BANK1: variants seen among roughly 807,000 people sequenced by gnomAD.
The protein encoded by BANK1 is B-cell scaffold protein with ankyrin repeats.
Under a neutral mutation model 94.5 loss-of-function variants are expected in BANK1, and 95 were observed. The observed-to-expected ratio is 1.00, with a 90% CI of 0.85 to 1.19. BANK1 has a LOEUF of 1.19. BANK1 is among the 50% of genes most tolerant of loss of function. BANK1 has a pLI of 0.00. For synonymous variants in BANK1, 334 were observed against 308.4 expected, an observed-to-expected ratio of 1.08 and a Z score of -0.87; for missense variants, 987 against 932.2, an observed-to-expected ratio of 1.06 and a Z score of -0.77.
chr4:101,824,964 G>C (rs543040331), intron 1 of BANK1, among the ~76,000 whole-genome samples: 9 of 152,010 alleles, frequency 5.9e-5, no homozygotes, highest in Non-Finnish European at 1.2e-4. Flanking sequence ...TTTCTTTCAG[G>C]TTTAAACATT....
chr4:101,922,765 T>G (rs1256857112), intron 7 of BANK1, among the ~76,000 whole-genome samples: 1 of 151,840 alleles, frequency 6.6e-6, no homozygotes, highest in Admixed American at 6.6e-5. Flanking sequence ...TCTGTTAGAA[T>G]TGAAGAAACT....
At chr4:101,963,734 G>A (rs1000445785) in intron 7 of BANK1, among the ~76,000 whole-genome samples, 3 of 151,954 alleles carry the variant, frequency 2.0e-5, no homozygotes, top group African/African-American at 4.8e-5. Flanking sequence ...TTTTCACTTC[G>A]AAAGAAACAC....
chr4:101,917,932 C>T (rs1722878851), intron 6 of BANK1, 61 bp from the exon 7 acceptor site: 2 of 1,289,410 alleles, frequency 1.6e-6, no homozygotes, highest in South Asian at 3.0e-5. Context: ...TGTGTTAGAC[C>T]TTTTAATGAG....
intron 1 of BANK1, among the ~76,000 whole-genome samples, chr4:101,824,892 A>G (rs192618536): frequency 9.1e-4 from 139 of 152,274 alleles, no homozygotes; most frequent in African/African-American, 3.1e-3. Context: ...TTCTTTTGGT[A>G]ATATGTAATG....
intron 7 of BANK1, among the ~76,000 whole-genome samples, chr4:101,974,678 G>A (rs988156712): frequency 1.3e-5 from 2 of 151,844 alleles, no homozygotes; most frequent in African/African-American, 4.8e-5. Context: ...TCTACCCTTT[G>A]TGATACTGAC....
At chr4:102,011,654 C>T (rs945827237) in intron 7 of BANK1, among the ~76,000 whole-genome samples, 3 of 152,152 alleles carry the variant, frequency 2.0e-5, no homozygotes, top group Admixed American at 1.3e-4. Context: ...TTTGATCTTA[C>T]GTCCCGATGT....
intron 7 of BANK1, among the ~76,000 whole-genome samples, chr4:101,939,286 G>T (rs538832735): frequency 2.0e-5 from 3 of 151,688 alleles, no homozygotes; most frequent in African/African-American, 7.3e-5. Context: ...TAACAAGACC[G>T]TCTAAAATGC....
chr4:102,044,858 C>A (rs866866390), intron 11 of BANK1, among the ~76,000 whole-genome samples: 4 of 115,944 alleles, frequency 3.4e-5, no homozygotes, highest in African/African-American at 1.0e-4. Flanking sequence ...TCATGTCCTT[C>A]GCCCACTTTT....
At chr4:101,973,501 A>G (rs1297757538) in intron 7 of BANK1, among the ~76,000 whole-genome samples, 1 of 152,092 alleles carries the variant, frequency 6.6e-6, no homozygotes, top group African/African-American at 2.4e-5. Flanking sequence ...TCTAAATTCT[A>G]CTGCCTTAGT....
chr4:101,859,426 T>A (rs1333896162), intron 3 of BANK1, among the ~76,000 whole-genome samples: 2 of 152,180 alleles, frequency 1.3e-5, no homozygotes, highest in East Asian at 1.9e-4. Flanking sequence ...TTTTGTTAGG[T>A]CTCAAGGCTT....
At chr4:101,976,746 T>C (rs1001671455) in intron 7 of BANK1, 9 of 152,158 alleles carry the variant, frequency 5.9e-5, no homozygotes, top group African/African-American at 2.2e-4. Flanking sequence ...GAAAATCTTA[T>C]TCTTTAGAAC....
At chr4:101,838,337 C>A (rs1375141718) in intron 2 of BANK1, among the ~76,000 whole-genome samples, 1 of 152,052 alleles carries the variant, frequency 6.6e-6, no homozygotes, top group Admixed American at 6.6e-5. Flanking sequence ...TTTTTTGAAT[C>A]AAAAACTAAG....
intron 3 of BANK1, among the ~76,000 whole-genome samples, chr4:101,861,698 T>C (rs1727883213): frequency 6.6e-6 from 1 of 152,068 alleles, no homozygotes; most frequent in Non-Finnish European, 1.5e-5. Context: ...TTTGTCTTTC[T>C]GTATGTCTTT....
chr4:102,011,284 G>T (rs1352304519), intron 7 of BANK1, among the ~76,000 whole-genome samples: 2 of 152,198 alleles, frequency 1.3e-5, no homozygotes, highest in Non-Finnish European at 2.9e-5. Flanking sequence ...ATAAATATCA[G>T]ATACTCCCTG....
Position 101,818,239 on chromosome 4 carries a change from T to C in BANK1, c.71-11569T>C, listed in dbSNP as rs1241338366. On this transcript the variant is annotated intron_variant, in intron 1 of 16. Transcript: ENST00000322953. Reference sequence around the variant, plus strand: ...CTGTTTCTACCAAGTGACTGCAAACTGATTATTATCTTTATTCATTGCAAT... The same window carrying C: ...CTGTTTCTACCAAGTGACTGCAAACCGATTATTATCTTTATTCATTGCAAT... Among the ~76,000 whole-genome samples, 4 of 152,202 alleles carry C rather than the reference T, an allele frequency of 2.6e-5. No individual in the cohort carries two copies. The East Asian group carries it at 7.7e-4, about 29-fold the overall frequency.
intron 1 of BANK1, among the ~76,000 whole-genome samples, chr4:101,829,029 A>AT (rs1437284448): frequency 3.3e-5 from 5 of 151,556 alleles, no homozygotes; most frequent in African/African-American, 9.7e-5. Context: ...CACCCAGCTA[A>AT]TTTTTTGTAT....
intron 1 of BANK1, among the ~76,000 whole-genome samples, chr4:101,796,902 G>T (rs894037473): frequency 7.9e-5 from 12 of 152,092 alleles, no homozygotes; most frequent in Non-Finnish European, 1.5e-4. Flanking sequence ...GGAAGTAAAA[G>T]AGTAAGATGA....
chr4:101,849,210 A>G (rs1268585973), intron 2 of BANK1, among the ~76,000 whole-genome samples: 3 of 152,134 alleles, frequency 2.0e-5, no homozygotes, highest in Non-Finnish European at 4.4e-5. Context: ...TTTTACTCTT[A>G]ATCCGCTTCT....
chr4:101,849,632 A>ATG (rs1727397638), intron 2 of BANK1, among the ~76,000 whole-genome samples: 1 of 152,248 alleles, frequency 6.6e-6, no homozygotes, highest in African/African-American at 2.4e-5. Flanking sequence ...AAAAAAATTT[A>ATG]TGTGTGTGTA....
Sources: gnomAD v4.1 joint callset for allele counts (sites outside exome capture counted in the v4.1 genomes callset) on GRCh38, gnomAD v4.1.1 for gene constraint, MANE v1.5 for transcripts, NCBI Gene and HGNC (gene_info 2026-07-23, HGNC 2026-07-21) for gene names.